The following MICAL2 variants were observed in gnomAD, a reference collection of about 807,000 sequenced individuals.
MICAL2 encodes the protein microtubule associated monooxygenase, calponin and LIM domain containing 2.
Under a neutral mutation model 127.3 loss-of-function variants are expected in MICAL2, and 77 were observed. The ratio of observed to expected loss-of-function variants is 0.60; its 90% confidence interval spans 0.50 to 0.73. MICAL2 has a LOEUF of 0.73. MICAL2 is among the 30% of genes least tolerant of loss of function. The probability of loss-of-function intolerance (pLI) is 0.00; values close to 1 mark genes in which losing one functional copy is unlikely to be tolerated. For synonymous variants in MICAL2, 570 were observed against 551.1 expected (o/e 1.03, Z -0.48); for missense variants, 1,351 against 1,434.4 (o/e 0.94, Z 0.94).
rs372395348 is a variant in MICAL2, at chr11:12,262,557, A to G, written c.*17+20A>G. On this transcript the variant is annotated intron_variant, in intron 27 of 27. Transcript: ENST00000683283. ...TCTAAGGTGACTGGTTTTCTTGCCAATTTTCAAAGAGTGGTACTAACCCCC... is the reference window on the plus strand; with the variant it reads ...TCTAAGGTGACTGGTTTTCTTGCCAGTTTTCAAAGAGTGGTACTAACCCCC... The G allele has an allele frequency of 8.4e-5, 134 of 1,598,958 alleles. No individual in the cohort carries two copies. Among genetic ancestry groups the G allele is most frequent in the Middle Eastern group, 3.3e-4 (2 of 6,062 alleles).
intron 3 of MICAL2, among the ~76,000 whole-genome samples, chr11:12,175,146 C>A (rs545065216): frequency 1.3e-5 from 2 of 151,636 alleles, no homozygotes; most frequent in African/African-American, 4.9e-5. Flanking sequence ...ATTTTAAGTG[C>A]CTGCTACATG....
chr11:12,323,054 A>G (rs1207624552), intron 30 of MICAL2, among the ~76,000 whole-genome samples: 1 of 152,146 alleles, frequency 6.6e-6, no homozygotes, highest in Non-Finnish European at 1.5e-5. Context: ...TTGTGGGCCC[A>G]GTGCTCAACC....
chr11:12,341,581 C>A (rs1425433991), intron 32 of MICAL2, among the ~76,000 whole-genome samples: 1 of 152,258 alleles, frequency 6.6e-6, no homozygotes, highest in East Asian at 1.9e-4. Context: ...AATCCCAGCA[C>A]TTTGGGAGGC....
chr11:12,327,937 C>T (rs559321721), intron 32 of MICAL2, among the ~76,000 whole-genome samples: 2 of 152,004 alleles, frequency 1.3e-5, no homozygotes, highest in Admixed American at 6.5e-5. Flanking sequence ...ACTACCTGTA[C>T]GACCTTGGGC....
At chr11:12,215,617 G>GGC (rs1361708349) in intron 7 of MICAL2, among the ~76,000 whole-genome samples, 1 of 152,230 alleles carries the variant, frequency 6.6e-6, no homozygotes, top group Non-Finnish European at 1.5e-5. Context: ...GTGGAGCTAA[G>GGC]CTCTCATTGC....
intron 13 of MICAL2, chr11:12,225,885 G>T (rs529503795): frequency 2.3e-6 from 1 of 435,828 alleles, no homozygotes; most frequent in Non-Finnish European, 4.2e-6. Context: ...ATATTTAAAA[G>T]TAAAATAGCT....
rs74376939 is a variant in MICAL2, at chr11:12,342,770, G to A, written c.5516-7068G>A. 6.9e-3 allele frequency among the ~76,000 whole-genome samples: 1,047 copies of A among 152,340 alleles called. 19 individuals carry two copies. Among genetic ancestry groups the A allele is most frequent in the African/African-American group, 0.024 (997 of 41,578 alleles). ...CAGGAGGAGACTCAGGCAGACAGAC[G>A]TGAGGTTACGTGCCCAAAGTCACAT... On this transcript the variant is annotated intron_variant, in intron 32 of 34. Transcript: ENST00000646065.
intron 29 of MICAL2, among the ~76,000 whole-genome samples, chr11:12,313,796 ATTTCTC>A (rs1276118431): frequency 6.6e-6 from 1 of 151,712 alleles, no homozygotes; most frequent in Non-Finnish European, 1.5e-5. Context: ...GGGTTTGACT[ATTTCTC>A]TTTCTAGTTA....
At chr11:12,359,544 G>A (rs1021318529), downstream of MICAL2, among the ~76,000 whole-genome samples, 2 of 152,156 alleles carry the variant, frequency 1.3e-5, no homozygotes, top group Admixed American at 6.5e-5. Flanking sequence ...TTAGAGGGAG[G>A]GCTGAATGCA....
chr11:12,292,386 G>A (rs1006154485), downstream of MICAL2: 27 of 1,421,072 alleles, frequency 1.9e-5, no homozygotes, highest in South Asian at 1.4e-4. Flanking sequence ...TGGATTCCAC[G>A]TGCTCATAGG....
At chr11:12,350,120 G>C (rs1048849655) in intron 33 of MICAL2, among the ~76,000 whole-genome samples, 1 of 152,208 alleles carries the variant, frequency 6.6e-6, no homozygotes, top group African/African-American at 2.4e-5. Flanking sequence ...ATCTTTAGCT[G>C]TCTGTTCTTT....
At position 12,262,392 on chromosome 11, in the gene MICAL2, C is replaced by T. The variant is rs557524828; in HGVS notation, c.3335-88C>T. ...CTTATTTTCAACTCCGGTGCCTTCT[C>T]GTGATGTTAATCATTTCCTTTTTTC... On this transcript the variant is annotated intron_variant, in intron 26 of 27. Transcript: ENST00000683283. 2.4e-5 allele frequency: 38 copies of T among 1,595,906 alleles called. 1 individual carries two copies. Among genetic ancestry groups the T allele is most frequent in the Middle Eastern group, 3.3e-4 (2 of 6,044 alleles).
Position 12,226,346 on chromosome 11 carries a change from C to T in MICAL2, c.1864C>T (p.Arg622Trp), listed in dbSNP as rs760315382. 20 of 1,614,070 alleles carry T rather than the reference C, an allele frequency of 1.2e-5. No homozygotes were observed. The highest frequency in any genetic ancestry group is 3.3e-5 in the Admixed American group (2 of 60,022). Residue 622 changes from arginine (R) to tryptophan (W), a missense_variant, in exon 14 of 28, where the codon CGG becomes TGG. Physicochemically the swap from Arg to Trp is moderately radical, Grantham distance 101. Coordinates refer to ENST00000683283, the MANE Select transcript of MICAL2 (RefSeq NM_001282663.2). Reference protein sequence around the residue: ...MYLSKFYELFRGTPLRPVDSW... With the variant: ...MYLSKFYELFWGTPLRPVDSW... ...CCTCTCCAAGTTCTACGAGCTCTTC[C>T]GGGGCACCCCACTGAGGCCCGTGGG...
intron 26 of MICAL2, 69 bp from the exon 27 acceptor site, chr11:12,262,410 CT>C (rs35519534): frequency 1.2e-6 from 2 of 1,605,216 alleles, no homozygotes; most frequent in Non-Finnish European, 8.5e-7. Flanking sequence ...TAATCATTTC[CT>C]TTTTTCCCCA....
chr11:12,205,518 A>G (rs1854569012), intron 4 of MICAL2, among the ~76,000 whole-genome samples: 3 of 152,180 alleles, frequency 2.0e-5, no homozygotes, highest in Admixed American at 2.0e-4. Flanking sequence ...AATCTCCAGC[A>G]TATACTCAGG....
chr11:12,288,613 T>C (rs1262828230), downstream of MICAL2, among the ~76,000 whole-genome samples: 1 of 152,210 alleles, frequency 6.6e-6, no homozygotes, highest in Non-Finnish European at 1.5e-5. Context: ...GCTTGAGTTT[T>C]GATCATTTCA....
chr11:12,191,089 A>G (rs1859035046), intron 3 of MICAL2, among the ~76,000 whole-genome samples: 1 of 152,226 alleles, frequency 6.6e-6, no homozygotes, highest in South Asian at 2.1e-4. Flanking sequence ...CTCTGGGGAT[A>G]CAGCTATGAA....
intron 17 of MICAL2, among the ~76,000 whole-genome samples, chr11:12,240,719 C>T (rs1189768489): frequency 6.6e-6 from 1 of 152,226 alleles, no homozygotes; most frequent in African/African-American, 2.4e-5. Flanking sequence ...CCACCCTGGC[C>T]TAGCCACCCT....
chr11:12,212,874 A>G (rs1358936181), intron 6 of MICAL2, among the ~76,000 whole-genome samples: 1 of 152,206 alleles, frequency 6.6e-6, no homozygotes, highest in Non-Finnish European at 1.5e-5. Context: ...GAGCGGTGGC[A>G]CCATAAGAAA....
Sources: gnomAD v4.1 joint callset for allele counts (sites outside exome capture counted in the v4.1 genomes callset) on GRCh38, gnomAD v4.1.1 for gene constraint, MANE v1.5 for transcripts, NCBI Gene and HGNC (gene_info 2026-07-23, HGNC 2026-07-21) for gene names.